Variants in DACH1 observed in about 807,000 individuals in gnomAD.
The protein encoded by DACH1 is dachshund homolog 1.
DACH1 carries 12 observed loss-of-function variants against 54.2 expected under a neutral mutation model. That is an observed-to-expected ratio of 0.22 (90% CI 0.14 to 0.36). The LOEUF is 0.36. Ranked by LOEUF, DACH1 falls within the 10% of genes least tolerant of loss-of-function variation. The probability of loss-of-function intolerance (pLI) is 1.00; values close to 1 mark genes in which losing one functional copy is unlikely to be tolerated. For missense variants in DACH1, 805 were observed against 929.8 expected, an observed-to-expected ratio of 0.87 and a Z score of 1.75; for synonymous variants, 386 against 366.2, an observed-to-expected ratio of 1.05 and a Z score of -0.62.
At chr13:71,443,122 T>TAAA (rs1474730255) in intron 10 of DACH1, among the ~76,000 whole-genome samples, 1 of 149,862 alleles carries the variant, frequency 6.7e-6, no homozygotes. Flanking sequence ...TATAAAAACA[T>TAAA]ATAATGAACA....
intron 1 of DACH1, among the ~76,000 whole-genome samples, chr13:71,710,089 G>A (rs1285322559): frequency 2.0e-5 from 3 of 151,978 alleles, no homozygotes; most frequent in Non-Finnish European, 4.4e-5. Flanking sequence ...GTAATTTTAT[G>A]AATATCTTGC....
chr13:71,520,844 T>C (rs1367386489), intron 6 of DACH1, among the ~76,000 whole-genome samples: 3 of 151,864 alleles, frequency 2.0e-5, no homozygotes, highest in Non-Finnish European at 2.9e-5. Flanking sequence ...AATAATATCA[T>C]AGTATTATGG....
intron 3 of DACH1, among the ~76,000 whole-genome samples, chr13:71,624,650 A>C (rs921774497): frequency 1.3e-5 from 2 of 151,982 alleles, no homozygotes; most frequent in African/African-American, 2.4e-5. Context: ...TAATCTGTTA[A>C]ACAATAGCAA....
At chr13:71,829,462 G>C (rs989356004) in intron 1 of DACH1, among the ~76,000 whole-genome samples, 8 of 151,840 alleles carry the variant, frequency 5.3e-5, no homozygotes, top group African/African-American at 1.7e-4. Context: ...GTACGTACTG[G>C]GAATAAAAAT....
At chr13:71,469,735 T>C (rs1408251587) in intron 10 of DACH1, among the ~76,000 whole-genome samples, 1 of 152,216 alleles carries the variant, frequency 6.6e-6, no homozygotes, top group Non-Finnish European at 1.5e-5. Flanking sequence ...GTTGAAAAAC[T>C]GAATAATTTT....
rs184201219 is a variant in DACH1, at chr13:71,527,594, T to C, written c.1570+29430A>G. ...CGTATCGGTCCTTCATCATTGAACA[T>C]GGGAAACAATTACAATGAGAGGGAT... On this transcript the variant is annotated intron_variant, in intron 6 of 10. Coordinates refer to ENST00000613252, the MANE Select transcript of DACH1 (RefSeq NM_080759.6). Among the ~76,000 whole-genome samples the C allele has an allele frequency of 3.1e-3, 479 of 152,310 alleles. 3 individuals are homozygous for C. Among genetic ancestry groups the C allele is most frequent in the Non-Finnish European group, 5.0e-3 (343 of 68,028 alleles).
intron 1 of DACH1, among the ~76,000 whole-genome samples, chr13:71,864,508 G>T (rs754637600): frequency 6.6e-6 from 1 of 152,014 alleles, no homozygotes; most frequent in South Asian, 2.1e-4. Flanking sequence ...CACTAACTCC[G>T]CTCCTTCTCT....
At chr13:71,726,221 A>C (rs1037027765) in intron 1 of DACH1, among the ~76,000 whole-genome samples, 1 of 152,092 alleles carries the variant, frequency 6.6e-6, no homozygotes, top group Non-Finnish European at 1.5e-5. Flanking sequence ...AAGCCCTATA[A>C]GTTTGTTTCA....
intron 1 of DACH1, among the ~76,000 whole-genome samples, chr13:71,694,717 CT>C (rs888638504): frequency 2.0e-5 from 3 of 152,154 alleles, no homozygotes; most frequent in Non-Finnish European, 4.4e-5. Context: ...TTTTAAAATC[CT>C]GATCATTATC....
chr13:71,464,313 A>C (rs1876360938), intron 10 of DACH1, among the ~76,000 whole-genome samples: 1 of 152,054 alleles, frequency 6.6e-6, no homozygotes, highest in South Asian at 2.1e-4. Context: ...TCTTTGAGAA[A>C]GTGAAATTGA....
intron 10 of DACH1, among the ~76,000 whole-genome samples, chr13:71,450,975 C>G (rs1479829585): frequency 6.6e-6 from 1 of 152,116 alleles, no homozygotes; most frequent in Non-Finnish European, 1.5e-5. Context: ...GAACTCAAAT[C>G]TGTTCAAGAA....
intron 6 of DACH1, among the ~76,000 whole-genome samples, chr13:71,551,993 A>G (rs939234369): frequency 1.3e-5 from 2 of 152,094 alleles, no homozygotes; most frequent in Admixed American, 6.6e-5. Flanking sequence ...GGCCTGAAGC[A>G]AATCCCCTGG....
chr13:71,783,005 A>G (rs1223940753), intron 1 of DACH1, among the ~76,000 whole-genome samples: 2 of 152,208 alleles, frequency 1.3e-5, no homozygotes, highest in Non-Finnish European at 2.9e-5. Flanking sequence ...ATTGACAGTG[A>G]AAGAGGGAAG....
intron 1 of DACH1, among the ~76,000 whole-genome samples, chr13:71,744,965 TTTTA>T (rs1385235795): frequency 6.6e-6 from 1 of 152,172 alleles, no homozygotes; most frequent in Non-Finnish European, 1.5e-5. Flanking sequence ...TTTTGTGGAT[TTTTA>T]TTTATTCTTT....
chr13:71,545,463 C>T (rs573100474), intron 6 of DACH1, among the ~76,000 whole-genome samples: 1 of 149,168 alleles, frequency 6.7e-6, no homozygotes, highest in African/African-American at 2.5e-5. Flanking sequence ...TTAGTAACCT[C>T]AAAGTATCTC....
At chr13:71,737,863 T>C (rs966771619) in intron 1 of DACH1, among the ~76,000 whole-genome samples, 9 of 152,226 alleles carry the variant, frequency 5.9e-5, no homozygotes, top group African/African-American at 2.2e-4. Flanking sequence ...GCAAAGTCTC[T>C]ATTAAAAATG....
rs141899335 is a variant in DACH1 at position 71,711,133 on chromosome 13, C to T, written c.849-29223G>A. Among the ~76,000 whole-genome samples, 603 of 152,242 alleles carry T rather than the reference C, an allele frequency of 4.0e-3. 6 individuals are homozygous for T. Among genetic ancestry groups the T allele is most frequent in the African/African-American group, 0.014 (582 of 41,550 alleles). On this transcript the variant is annotated intron_variant, in intron 1 of 10. Coordinates refer to ENST00000613252, the MANE Select transcript of DACH1 (RefSeq NM_080759.6). The stretch of plus-strand genomic sequence containing the variant: ...CACTAGGCTGGATCCTTGAAAAATG[C>T]ATGAAATTTATTTCTAACACTTCAT...
Position 71,781,062 on chromosome 13 carries a change from G to A in DACH1, c.848+84860C>T, listed in dbSNP as rs541770460. ...AGGTGGGAGGATCACTTGAGCCCAG[G>A]AGGTTGAGGCTGCAGTGAGCTATGA... On this transcript the variant is annotated intron_variant, in intron 1 of 10. Coordinates refer to ENST00000613252, the MANE Select transcript of DACH1 (RefSeq NM_080759.6). Among the ~76,000 whole-genome samples the A allele has an allele frequency of 4.9e-4, 74 of 152,264 alleles. No individual in the cohort carries two copies. In the South Asian group the frequency reaches 0.015, roughly 31 times the overall value.
At chr13:71,589,479 A>G (rs1873532097) in intron 3 of DACH1, among the ~76,000 whole-genome samples, 1 of 151,988 alleles carries the variant, frequency 6.6e-6, no homozygotes, top group African/African-American at 2.4e-5. Flanking sequence ...TTTTATTTTG[A>G]TAAACATAGT....
Sources: allele counts gnomAD v4.1 joint callset (sites outside exome capture counted in the v4.1 genomes callset), GRCh38; gene constraint gnomAD v4.1.1; transcripts MANE v1.5; gene names NCBI Gene and HGNC (gene_info 2026-07-23, HGNC 2026-07-21).